The following WEE2 variants were observed in gnomAD, a reference collection of about 807,000 sequenced individuals.
The protein encoded by WEE2 is wee1-like protein kinase 2.
Under a neutral mutation model 60.1 loss-of-function variants are expected in WEE2, and 50 were observed. The observed-to-expected ratio is 0.83, with a 90% confidence interval of 0.66 to 1.05. The LOEUF (loss-of-function observed/expected upper bound fraction) is 1.05. Ranked by LOEUF, WEE2 falls within the 50% of genes least tolerant of loss-of-function variation. WEE2 has a pLI of 0.00. For missense variants in WEE2, 631 were observed against 684.3 expected, an observed-to-expected ratio of 0.92 and a Z score of 0.87; for synonymous variants, 240 against 241.0, an observed-to-expected ratio of 1.00 and a Z score of 0.04.
intron 10 of WEE2, 175 bp downstream of exon 10, chr7:141,727,621 G>A: frequency 2.7e-6 from 2 of 730,982 alleles, no homozygotes; most frequent in Non-Finnish European, 2.1e-6. Context: ...GCATCGGGCT[G>A]GGAGGCTCTG....
Position 141,718,141 on chromosome 7 carries a change from G to A in WEE2, c.586-931G>A, listed in dbSNP as rs1389463358. Among the ~76,000 whole-genome samples, 5 of 152,192 alleles carry A rather than the reference G, an allele frequency of 3.3e-5. No homozygotes were observed. In the East Asian group the frequency reaches 7.7e-4, roughly 23 times the overall value. On this transcript the variant is annotated intron_variant, in intron 3 of 11. Coordinates refer to ENST00000397541, the MANE Select transcript of WEE2 (RefSeq NM_001105558.1). Reference sequence around the variant, plus strand: ...CTGATGAAAGTGACCAGAATTAGATGTTGAAAATGAGGAAGTAGTAAAACC... The same window carrying A: ...CTGATGAAAGTGACCAGAATTAGATATTGAAAATGAGGAAGTAGTAAAACC...
At chr7:141,718,405 C>A (rs1277228540) in intron 3 of WEE2, among the ~76,000 whole-genome samples, 1 of 151,944 alleles carries the variant, frequency 6.6e-6, no homozygotes, top group African/African-American at 2.4e-5. Context: ...AAGAGTGTTG[C>A]CATGATCTTC....
At chr7:141,713,990 C>T (rs1297201230) in intron 1 of WEE2, among the ~76,000 whole-genome samples, 1 of 152,118 alleles carries the variant, frequency 6.6e-6, no homozygotes, top group Non-Finnish European at 1.5e-5. Context: ...GTACAGATTC[C>T]TGTGTTGACT....
chr7:141,708,650 C>T lies in WEE2; in HGVS notation c.-109C>T, dbSNP rs566578187. 5.8e-5 allele frequency: 52 copies of T among 901,150 alleles called. 1 individual carries two copies. The highest frequency in any genetic ancestry group is 8.2e-5 in the Non-Finnish European group (48 of 582,120). The allele number at this position is 901,150 out of a possible 1,614,324, so 55.8% of individuals were successfully genotyped here. A position where few individuals can be genotyped will look rare whatever the true frequency, so the allele number is the denominator to read the frequency against. ...GTTGGTAGAGGGAAATTCAGGCTAC[C>T]GTCGCGAAACCTGCAGGTTAAGTTA... On this transcript the variant is annotated 5_prime_UTR_variant, in exon 1 of 12. Transcript: ENST00000397541.
intron 1 of WEE2, among the ~76,000 whole-genome samples, chr7:141,712,154 G>C (rs1168571358): frequency 6.6e-6 from 1 of 152,082 alleles, no homozygotes; most frequent in Non-Finnish European, 1.5e-5. Flanking sequence ...AATAATACCA[G>C]GATTCAAGCA....
intron 1 of WEE2, among the ~76,000 whole-genome samples, chr7:141,712,988 G>A (rs913858573): frequency 2.6e-5 from 4 of 152,040 alleles, no homozygotes; most frequent in Non-Finnish European, 4.4e-5. Flanking sequence ...GTCTGTCAGC[G>A]AGGGCTTGTC....
At chr7:141,710,412 T>G (rs545398906) in intron 1 of WEE2, among the ~76,000 whole-genome samples, 24 of 152,278 alleles carry the variant, frequency 1.6e-4, no homozygotes, top group Non-Finnish European at 2.2e-4. Context: ...GAAGAAAACA[T>G]GACATTCATT....
At position 141,721,060 on chromosome 7, in the gene WEE2, A is replaced by C; in HGVS notation, c.880+4A>C. On this transcript the variant is annotated splice_donor_region_variant and intron_variant, in intron 5 of 11. Coordinates refer to ENST00000397541, the MANE Select transcript of WEE2 (RefSeq NM_001105558.1). ...ATTCAGAATGAATACTGCAATGGTA[A>C]GTAGTATATAGATGAATAACTACGA... 1.4e-5 allele frequency: 23 copies of C among 1,614,104 alleles called. No individual in the cohort carries two copies. Among genetic ancestry groups the C allele is most frequent in the Non-Finnish European group, 1.9e-5 (22 of 1,180,000 alleles).
chr7:141,708,376 T>C lies in WEE2; in HGVS notation c.-383T>C. 1 of 191,542 alleles carries C rather than the reference T, an allele frequency of 5.2e-6. No homozygotes were observed. The highest frequency in any genetic ancestry group is 1.1e-5 in the Non-Finnish European group (1 of 92,860). The allele number at this position is 191,542 out of a possible 1,614,324, so 11.9% of individuals were successfully genotyped here. ...ATAATTTCTTTTCAATATTAGCTTA[T>C]TCCCAAATTGGCTAATGGGTATTTT... On this transcript the variant is annotated 5_prime_UTR_variant, in exon 1 of 12. Coordinates refer to ENST00000397541, the MANE Select transcript of WEE2 (RefSeq NM_001105558.1).
chr7:141,719,345 T>C (rs563502962), intron 4 of WEE2, 101 bp downstream of exon 4: 2 of 1,162,190 alleles, frequency 1.7e-6, no homozygotes, highest in African/African-American at 3.1e-5. Context: ...TTAAAAATCA[T>C]TTGTGTTTTA....
intron 10 of WEE2, chr7:141,728,054 A>G (rs1196668079): frequency 1.3e-5 from 2 of 152,346 alleles, no homozygotes; most frequent in East Asian, 3.9e-4. Context: ...CATCGATTGC[A>G]CTCCGGATGT....
At chr7:141,724,940 GAATGAACCTTTCCTACCAGTTATATTTT>G in intron 8 of WEE2, 58 bp from the exon 9 acceptor site, 1 of 1,475,894 alleles carries the variant, frequency 6.8e-7, no homozygotes, top group South Asian at 1.3e-5. Context: ...ATATGCACTC[GAATGAACCTTTCCTACCAGTTATATTTT>G]AATCTAGACT....
chr7:141,719,096 A>G lies in WEE2; in HGVS notation c.610A>G (p.Met204Val). 3 of 1,614,028 alleles carry G rather than the reference A, an allele frequency of 1.9e-6. No individual in the cohort carries two copies. The highest frequency in any genetic ancestry group is 2.5e-6 in the Non-Finnish European group (3 of 1,179,982). ...GAGATGTGTTTTACGAGAAACCAAC[A>G]TGGCTTCCCGCTATGAAAAAGAATT... ...AKRCVLRETN[M>V]ASRYEKEFLE... Residue 204 changes from methionine (M) to valine (V), a missense_variant, in exon 4 of 12, where the codon ATG becomes GTG. Met to Val is a conservative substitution (Grantham distance 21). Transcript: ENST00000397541.
At chr7:141,710,042 A>G (rs1204548528) in intron 1 of WEE2, among the ~76,000 whole-genome samples, 2 of 152,190 alleles carry the variant, frequency 1.3e-5, no homozygotes, top group Non-Finnish European at 2.9e-5. Flanking sequence ...GTATACCAGG[A>G]AATTCTAAGC....
At chr7:141,720,043 C>A (rs1228816307) in intron 4 of WEE2, among the ~76,000 whole-genome samples, 3 of 149,030 alleles carry the variant, frequency 2.0e-5, no homozygotes, top group African/African-American at 7.4e-5. Context: ...AAGGAAAACA[C>A]ATATTTTCAG....
At position 141,708,797 on chromosome 7, in the gene WEE2, A is replaced by G; in HGVS notation, c.39A>G (p.Lys13=). 1 of 1,614,162 alleles carries G rather than the reference A, an allele frequency of 6.2e-7. No homozygotes were observed. The highest frequency in any genetic ancestry group is 8.5e-7 in the Non-Finnish European group (1 of 1,180,004). Residue 13 remains lysine (K), a synonymous_variant, in exon 1 of 12, where the codon AAA becomes AAG. Transcript: ENST00000397541. ...DKDIDKELRQ[K]LNFSYCEETE... ...ATATTGACAAAGAACTAAGGCAGAA[A>G]TTAAACTTTTCCTATTGTGAGGAGA... is the stretch of plus-strand genomic sequence containing the variant.
chr7:141,719,442 G>A (rs1210241473), intron 4 of WEE2, among the ~76,000 whole-genome samples, 198 bp downstream of exon 4: 1 of 152,046 alleles, frequency 6.6e-6, no homozygotes, highest in Non-Finnish European at 1.5e-5. Flanking sequence ...AATACAACAC[G>A]ATCATTTTAG....
chr7:141,708,839 G>C lies in WEE2; in HGVS notation c.81G>C (p.Gln27His). 6.2e-7 allele frequency: 1 copy of C among 1,614,154 alleles called. No individual in the cohort carries two copies. The highest frequency in any genetic ancestry group is 8.5e-7 in the Non-Finnish European group (1 of 1,180,022). The change falls in exon 1 of 12, where the codon CAG becomes CAC. Residue 27 changes from glutamine to histidine, a missense_variant. Gln to His is a conservative substitution (Grantham distance 24). Coordinates refer to ENST00000397541, the MANE Select transcript of WEE2 (RefSeq NM_001105558.1). ...GTGAGGAGACTGAGATTGAAGGGCA[G>C]AAGAAAGTAGAAGAAAGCAGGGAGG... ...SYCEETEIEGQKKVEESREAS... is the reference protein window; with the variant it reads ...SYCEETEIEGHKKVEESREAS...
At chr7:141,718,414 T>G (rs1292788402) in intron 3 of WEE2, among the ~76,000 whole-genome samples, 2 of 152,182 alleles carry the variant, frequency 1.3e-5, no homozygotes, top group Non-Finnish European at 2.9e-5. Flanking sequence ...GCCATGATCT[T>G]CATCCTACAG....
Sources: allele counts gnomAD v4.1 joint callset (sites outside exome capture counted in the v4.1 genomes callset), GRCh38; gene constraint gnomAD v4.1.1; transcripts MANE v1.5; gene names NCBI Gene and HGNC (gene_info 2026-07-23, HGNC 2026-07-21).